The following KDSR variants were observed in gnomAD, a reference collection of about 807,000 sequenced individuals.
KDSR encodes the protein 3-dehydrosphinganine reductase.
A neutral mutation model predicts 41.3 loss-of-function variants in KDSR; 23 were observed. The observed-to-expected ratio is 0.56, with a 90% confidence interval of 0.40 to 0.79. The LOEUF (loss-of-function observed/expected upper bound fraction) is 0.79. KDSR is among the 30% of genes least tolerant of loss of function. The probability of loss-of-function intolerance (pLI) is 0.00; values close to 1 mark genes in which losing one functional copy is unlikely to be tolerated. For synonymous variants in KDSR, 138 were observed against 151.7 expected (o/e 0.91, Z 0.66); for missense variants, 351 against 416.8 (o/e 0.84, Z 1.37).
chr18:63,334,819 C>T (rs1162579944), intron 9 of KDSR, among the ~76,000 whole-genome samples: 3 of 152,186 alleles, frequency 2.0e-5, no homozygotes, highest in African/African-American at 7.2e-5. Context: ...CTGTTTAATC[C>T]ATGATTCGTG....
rs755250232 is a variant in KDSR at position 63,344,474 on chromosome 18, T to C, written c.629A>G (p.Tyr210Cys). 17 of 1,613,768 alleles carry C rather than the reference T, an allele frequency of 1.1e-5. No individual in the cohort carries two copies. The highest frequency in any genetic ancestry group is 8.8e-5 in the South Asian group (8 of 91,068). The change falls in exon 7 of 10, where the codon TAC (tyrosine) becomes TGC (cysteine). Residue 210 changes from tyrosine (Y) to cysteine (C), a missense_variant. Coordinates refer to ENST00000645214, the MANE Select transcript of KDSR (RefSeq NM_002035.4). ...GTCTGGTGGGTAAGCAACTGTGATG[T>C]AGACATTATATGGCTTCACCTGCAT... ...LQMEVKPYNVYITVAYPPDTD... is the reference protein window; with the variant it reads ...LQMEVKPYNVCITVAYPPDTD...
intron 5 of KDSR, among the ~76,000 whole-genome samples, chr18:63,352,512 C>T (rs886565681): frequency 5.9e-5 from 9 of 151,994 alleles, no homozygotes; most frequent in Non-Finnish European, 8.8e-5. Context: ...GATAGGGTTT[C>T]GCCATGTTGG....
At chr18:63,355,676 T>G in intron 3 of KDSR, 113 bp from the exon 4 acceptor site, 1 of 1,359,768 alleles carries the variant, frequency 7.4e-7, no homozygotes, top group South Asian at 1.7e-5. Context: ...CAATATTGAA[T>G]GAACAGATTT....
At chr18:63,350,743 G>A in intron 6 of KDSR, 145 bp downstream of exon 6, 1 of 649,916 alleles carries the variant, frequency 1.5e-6, no homozygotes, top group Non-Finnish European at 2.6e-6. Flanking sequence ...CAAAACTCAG[G>A]GTTGAGCCAA....
At chr18:63,344,885 T>TC (rs1169367196) in intron 6 of KDSR, 5 of 165,214 alleles carry the variant, frequency 3.0e-5, no homozygotes, top group African/African-American at 1.2e-4. Flanking sequence ...AGTCTGCCCC[T>TC]CCTTTCTTCA....
At chr18:63,340,280 T>A (rs1490736270) in intron 7 of KDSR, among the ~76,000 whole-genome samples, 1 of 152,244 alleles carries the variant, frequency 6.6e-6, no homozygotes, top group Non-Finnish European at 1.5e-5. Flanking sequence ...CTCTGCTTAT[T>A]CTAAGACAGG....
chr18:63,349,431 G>A (rs968952402), intron 6 of KDSR, among the ~76,000 whole-genome samples: 11 of 152,198 alleles, frequency 7.2e-5, no homozygotes, highest in African/African-American at 2.4e-4. Flanking sequence ...ATTCACAAAA[G>A]GACTTTTCAA....
chr18:63,355,682 G>T (rs1156472346), intron 3 of KDSR, 119 bp from the exon 4 acceptor site: 2 of 1,340,470 alleles, frequency 1.5e-6, no homozygotes, highest in Non-Finnish European at 1.9e-6. Context: ...TGAATGAACA[G>T]ATTTCAGTGT....
rs1397503851 is a variant in KDSR, at chr18:63,357,585, T to C, written c.256-2022A>G. Among the ~76,000 whole-genome samples the C allele has an allele frequency of 2.9e-4, 18 of 61,966 alleles. No individual in the cohort carries two copies. In the East Asian group the frequency reaches 0.015, roughly 52 times the overall value. The allele number at this position is 61,966 out of a possible 152,430, so 40.7% of individuals were successfully genotyped here. On this transcript the variant is annotated intron_variant, in intron 3 of 9. Coordinates refer to ENST00000645214, the MANE Select transcript of KDSR (RefSeq NM_002035.4). ...ATACATACATACATATATATATATATATATATATATTTTTTTTTGAGATGG... is the reference window on the plus strand; with the variant it reads ...ATACATACATACATATATATATATACATATATATATTTTTTTTTGAGATGG...
intron 6 of KDSR, among the ~76,000 whole-genome samples, chr18:63,350,579 T>C (rs1484970442): frequency 1.3e-5 from 2 of 152,248 alleles, no homozygotes; most frequent in Admixed American, 1.3e-4. Flanking sequence ...ATAAAATATC[T>C]GGTTAACCTT....
chr18:63,356,871 G>C (rs918834509), intron 3 of KDSR, among the ~76,000 whole-genome samples: 3 of 152,132 alleles, frequency 2.0e-5, no homozygotes, highest in Non-Finnish European at 4.4e-5. Context: ...TTCAGAGAAG[G>C]GGGTAAAGAC....
In KDSR at chr18:63,348,833, C is replaced by T. The variant is rs8098151; in HGVS notation, c.609+2055G>A. ...GCCCTAATGGGCAGATTCTTCATCC[C>T]GCAACCACCCCTTCACCTACAAGGA... is the stretch of plus-strand genomic sequence containing the variant. On this transcript the variant is annotated intron_variant, in intron 6 of 9. Coordinates refer to ENST00000645214, the MANE Select transcript of KDSR (RefSeq NM_002035.4). Among the ~76,000 whole-genome samples the T allele has an allele frequency of 3.3e-3, 501 of 152,262 alleles. 4 individuals carry two copies. The highest frequency in any genetic ancestry group is 0.011 in the African/African-American group (464 of 41,536).
chr18:63,360,946 G>A (rs7408040), intron 2 of KDSR, among the ~76,000 whole-genome samples: 45,626 of 131,988 alleles, frequency 0.35, 8,875 homozygotes, highest in Non-Finnish European at 0.44. Flanking sequence ...CTTAAGGTCA[G>A]GAGTTTGAGA....
intron 1 of KDSR, among the ~76,000 whole-genome samples, chr18:63,364,444 A>C (rs1044751218): frequency 6.6e-6 from 1 of 150,488 alleles, no homozygotes. Context: ...ATGCAACATT[A>C]TTTTTCTTTT....
Position 63,331,649 on chromosome 18 carries a change from C to G in KDSR, c.*133G>C. 1.3e-6 allele frequency: 1 copy of G among 781,970 alleles called. No homozygotes were observed. The highest frequency in any genetic ancestry group is 2.0e-6 in the Non-Finnish European group (1 of 492,522). 48.4% of individuals were successfully genotyped at this position (781,970 alleles called of 1,614,324 possible). On this transcript the variant is annotated 3_prime_UTR_variant, in exon 10 of 10. Transcript: ENST00000645214. ...CTAGCCCCTTGCTTGCAGCCACATT[C>G]CTGAAGAGCACTGGTCCAATCTGAC...
intron 5 of KDSR, among the ~76,000 whole-genome samples, chr18:63,352,459 C>T (rs12455185): frequency 0.62 from 93,930 of 151,942 alleles, 29,640 homozygotes; most frequent in Non-Finnish European, 0.69. Flanking sequence ...GGATTACAGG[C>T]GCCAGCCACC....
At chr18:63,340,203 C>T (rs949015652) in intron 7 of KDSR, among the ~76,000 whole-genome samples, 4 of 152,224 alleles carry the variant, frequency 2.6e-5, no homozygotes, top group Middle Eastern at 3.2e-3. Flanking sequence ...GAAATCACCA[C>T]CCTTTGTCAG....
At chr18:63,362,631 A>G in intron 2 of KDSR, 148 bp downstream of exon 2, 1 of 598,194 alleles carries the variant, frequency 1.7e-6, no homozygotes, top group Non-Finnish European at 3.0e-6. Flanking sequence ...TGGCCTAAAT[A>G]CTAGAGAGAA....
chr18:63,361,692 G>C (rs917015718), intron 2 of KDSR, among the ~76,000 whole-genome samples: 2 of 152,144 alleles, frequency 1.3e-5, no homozygotes, highest in Non-Finnish European at 2.9e-5. Context: ...GTGGGCGCCT[G>C]TAGTCCCAGC....
Sources: allele counts gnomAD v4.1 joint callset (sites outside exome capture counted in the v4.1 genomes callset), GRCh38; gene constraint gnomAD v4.1.1; transcripts MANE v1.5; gene names NCBI Gene and HGNC (gene_info 2026-07-23, HGNC 2026-07-21).